PTPRR: variants seen among roughly 807,000 people sequenced by gnomAD.
PTPRR encodes protein tyrosine phosphatase receptor type R.
PTPRR carries 38 observed loss-of-function variants against 77.2 expected under a neutral mutation model. The observed-to-expected ratio is 0.49, with a 90% CI of 0.38 to 0.65. The LOEUF (loss-of-function observed/expected upper bound fraction) is 0.65, where lower values mean the gene tolerates loss of function less well. Ranked by LOEUF, PTPRR falls within the 30% of genes least tolerant of loss-of-function variation. PTPRR has a pLI of 0.00. For synonymous variants in PTPRR, 299 were observed against 283.1 expected (o/e 1.06, Z -0.57); for missense variants, 744 against 799.2 (o/e 0.93, Z 0.83).
chr12:70,800,461 A>G (rs1891596001), intron 2 of PTPRR, among the ~76,000 whole-genome samples: 1 of 152,178 alleles, frequency 6.6e-6, no homozygotes, highest in Non-Finnish European at 1.5e-5. Flanking sequence ...CAAGAATAAT[A>G]AAAAGAGCTA....
chr12:70,851,833 T>C (rs1378594543), intron 2 of PTPRR, among the ~76,000 whole-genome samples: 1 of 152,240 alleles, frequency 6.6e-6, no homozygotes, highest in East Asian at 1.9e-4. Flanking sequence ...GCTGGAATTA[T>C]GTGCAGAATA....
intron 2 of PTPRR, among the ~76,000 whole-genome samples, chr12:70,809,558 C>T (rs1394215215): frequency 6.6e-6 from 1 of 152,076 alleles, no homozygotes; most frequent in Non-Finnish European, 1.5e-5. Context: ...TCACTAAATT[C>T]TATATCTTCT....
intron 5 of PTPRR, among the ~76,000 whole-genome samples, chr12:70,752,931 A>C (rs189850400): frequency 1.8e-3 from 280 of 152,280 alleles, no homozygotes; most frequent in African/African-American, 6.1e-3. Context: ...TCTCTCATTA[A>C]AATTCTTTCC....
At chr12:70,718,595 T>G (rs1889125403) in intron 6 of PTPRR, among the ~76,000 whole-genome samples, 1 of 152,180 alleles carries the variant, frequency 6.6e-6, no homozygotes, top group Non-Finnish European at 1.5e-5. Context: ...ATACACACCT[T>G]TTTTGTGTCT....
At chr12:70,684,322 G>A (rs777779604) in intron 9 of PTPRR, 58 bp from the exon 10 acceptor site, 7 of 1,563,872 alleles carry the variant, frequency 4.5e-6, no homozygotes, top group Non-Finnish European at 6.1e-6. Context: ...TGCAGTGAAA[G>A]TGTAGGTGAA....
chr12:70,898,161 T>TAATA (rs1555183797), intron 1 of PTPRR, among the ~76,000 whole-genome samples: 1 of 148,618 alleles, frequency 6.7e-6, no homozygotes, highest in East Asian at 2.0e-4. Flanking sequence ...ATAATAATAA[T>TAATA]AAAAAAAGAG....
In PTPRR at chr12:70,761,672, A is replaced by T. The variant is rs757499698; in HGVS notation, c.472-46T>A. The stretch of plus-strand genomic sequence containing the variant: ...GTATTTGTTATAGACATTTTAAACA[A>T]CTTTGGATAATATTTTTACCTGTCC... On this transcript the variant is annotated intron_variant, in intron 3 of 13. Coordinates refer to ENST00000283228, the MANE Select transcript of PTPRR (RefSeq NM_002849.4). 13 of 1,405,810 alleles carry T rather than the reference A, an allele frequency of 9.2e-6. No individual in the cohort carries two copies. In the South Asian group the frequency reaches 1.9e-4, roughly 20 times the overall value. The allele number at this position is 1,405,810 out of a possible 1,614,324, so 87.1% of individuals were successfully genotyped here.
intron 10 of PTPRR, among the ~76,000 whole-genome samples, chr12:70,677,303 C>A (rs557262744): frequency 6.6e-6 from 1 of 152,198 alleles, no homozygotes; most frequent in Admixed American, 6.5e-5. Context: ...TCTATTAGTT[C>A]TAACAAGTTT....
At chr12:70,776,857 T>A (rs1414291730) in intron 2 of PTPRR, among the ~76,000 whole-genome samples, 1 of 152,172 alleles carries the variant, frequency 6.6e-6, no homozygotes, top group African/African-American at 2.4e-5. Flanking sequence ...CTTTAGGATT[T>A]TTTGTTTACA....
chr12:70,910,292 C>G lies in PTPRR; in HGVS notation c.58+10041G>C, dbSNP rs147523459. Among the ~76,000 whole-genome samples, 46 of 152,242 alleles carry G rather than the reference C, an allele frequency of 3.0e-4. No individual in the cohort carries two copies. The East Asian group carries it at 8.7e-3, about 29-fold the overall frequency. On this transcript the variant is annotated intron_variant, in intron 1 of 13. Transcript: ENST00000283228. ...AAGATGGGATTCGAACTCAGGTAGTCAAATCCTAGAGCCCAAATGTTTTTT... is the reference window on the plus strand; with the variant it reads ...AAGATGGGATTCGAACTCAGGTAGTGAAATCCTAGAGCCCAAATGTTTTTT...
chr12:70,753,440 T>G (rs1205032067), intron 5 of PTPRR, among the ~76,000 whole-genome samples: 6 of 152,162 alleles, frequency 3.9e-5, no homozygotes, highest in African/African-American at 1.4e-4. Context: ...TTGTAAACTC[T>G]AATTATTATA....
intron 5 of PTPRR, among the ~76,000 whole-genome samples, chr12:70,746,502 G>A (rs185564520): frequency 4.6e-5 from 7 of 152,188 alleles, no homozygotes; most frequent in Admixed American, 3.9e-4. Flanking sequence ...AAGTAGTCTT[G>A]CAAGTATTAA....
At chr12:70,704,085 A>T (rs1413541386) in intron 6 of PTPRR, among the ~76,000 whole-genome samples, 1 of 152,090 alleles carries the variant, frequency 6.6e-6, no homozygotes, top group African/African-American at 2.4e-5. Context: ...TGTAAGAGAG[A>T]TGAGAGAGAA....
chr12:70,777,045 A>G lies in PTPRR; in HGVS notation c.358-12267T>C, dbSNP rs115525738. Among the ~76,000 whole-genome samples, 84 of 152,208 alleles carry G rather than the reference A, an allele frequency of 5.5e-4. 1 individual carries two copies. The highest frequency in any genetic ancestry group is 6.8e-3 in the Middle Eastern group (2 of 294). On this transcript the variant is annotated intron_variant, in intron 2 of 13. Coordinates refer to ENST00000283228, the MANE Select transcript of PTPRR (RefSeq NM_002849.4). ...TTCTATGTGTACATGGTATAAAACA[A>G]TATGTATATATCATACATAATATAT...
intron 2 of PTPRR, among the ~76,000 whole-genome samples, chr12:70,831,610 G>A (rs1166878525): frequency 6.6e-6 from 1 of 152,180 alleles, no homozygotes; most frequent in East Asian, 1.9e-4. Context: ...ACAAAATAGA[G>A]CAGCCCACAC....
At chr12:70,652,260 T>C (rs1566043743) in intron 13 of PTPRR, among the ~76,000 whole-genome samples, 1 of 152,000 alleles carries the variant, frequency 6.6e-6, no homozygotes, top group Non-Finnish European at 1.5e-5. Flanking sequence ...TAAAATGAGG[T>C]ATGATAGGAA....
intron 1 of PTPRR, among the ~76,000 whole-genome samples, chr12:70,906,644 T>G (rs1248686401): frequency 6.6e-6 from 1 of 152,110 alleles, no homozygotes; most frequent in Non-Finnish European, 1.5e-5. Flanking sequence ...CAAAGCCAGT[T>G]TTACAGAATT....
chr12:70,802,580 A>G lies in PTPRR; in HGVS notation c.358-37802T>C, dbSNP rs553048791. Among the ~76,000 whole-genome samples the G allele has an allele frequency of 1.8e-3, 269 of 152,338 alleles. 3 individuals are homozygous for G. Among genetic ancestry groups the G allele is most frequent in the African/African-American group, 6.3e-3 (262 of 41,568 alleles). ...AGAAATAAGTCACATTAAAGTGCTGAGATTTTTAGAGATTATATTGTCTTA... is the reference window on the plus strand; with the variant it reads ...AGAAATAAGTCACATTAAAGTGCTGGGATTTTTAGAGATTATATTGTCTTA... On this transcript the variant is annotated intron_variant, in intron 2 of 13. Coordinates refer to ENST00000283228, the MANE Select transcript of PTPRR (RefSeq NM_002849.4).
Position 70,754,687 on chromosome 12 carries a change from G to A in PTPRR, c.628-386C>T, listed in dbSNP as rs773195597. 5 of 1,596,606 alleles carry A rather than the reference G, an allele frequency of 3.1e-6. No individual in the cohort carries two copies. The South Asian group carries it at 3.3e-5, about 11-fold the overall frequency. On this transcript the variant is annotated intron_variant, in intron 4 of 13. Transcript: ENST00000283228. ...CCCCTCCCACAACATCAGCACCCTG[G>A]ATTACGTGCTGTACTACCTCTTTAC...
Sources: gnomAD v4.1 joint callset for allele counts (sites outside exome capture counted in the v4.1 genomes callset) on GRCh38, gnomAD v4.1.1 for gene constraint, MANE v1.5 for transcripts, NCBI Gene and HGNC (gene_info 2026-07-23, HGNC 2026-07-21) for gene names.